DIP2A: variants seen among roughly 807,000 people sequenced by gnomAD.
The protein encoded by DIP2A is disco-interacting protein 2 homolog A.
A neutral mutation model predicts 177.4 loss-of-function variants in DIP2A; 85 were observed. The observed-to-expected ratio is 0.48, with a 90% CI of 0.40 to 0.57. The LOEUF is 0.57. Ranked by LOEUF, DIP2A falls within the 20% of genes least tolerant of loss-of-function variation. The pLI, the probability that DIP2A is intolerant of heterozygous loss-of-function variation, is 0.00. For missense variants in DIP2A, 1,791 were observed against 2,100.2 expected, an observed-to-expected ratio of 0.85 and a Z score of 2.88; for synonymous variants, 886 against 881.8, an observed-to-expected ratio of 1.00 and a Z score of -0.08.
intron 8 of DIP2A, among the ~76,000 whole-genome samples, chr21:46,528,484 G>A (rs962653546): frequency 1.4e-4 from 16 of 113,624 alleles, no homozygotes; most frequent in Non-Finnish European, 4.9e-5. Context: ...GCACACATAT[G>A]TACATATACA....
chr21:46,503,225 A>G (rs117155401), intron 5 of DIP2A, among the ~76,000 whole-genome samples: 6,270 of 151,612 alleles, frequency 0.041, 194 homozygotes, highest in Non-Finnish European at 0.063. Context: ...TGGGGGACTG[A>G]GACAGGAGAA....
intron 5 of DIP2A, among the ~76,000 whole-genome samples, chr21:46,500,587 T>C (rs1369299499): frequency 1.3e-5 from 2 of 152,244 alleles, no homozygotes; most frequent in Non-Finnish European, 2.9e-5. Context: ...GGTGAGATGG[T>C]GCAGGAGAGC....
intron 3 of DIP2A, among the ~76,000 whole-genome samples, chr21:46,491,021 A>C (rs1184676352): frequency 6.6e-6 from 1 of 152,130 alleles, no homozygotes; most frequent in Non-Finnish European, 1.5e-5. Context: ...ACTTTTGTAC[A>C]CTTTTTACTT....
chr21:46,533,420 A>G (rs1488669061), intron 10 of DIP2A, 104 bp from the exon 11 acceptor site: 3 of 1,369,742 alleles, frequency 2.2e-6, no homozygotes, highest in South Asian at 1.6e-5. Context: ...TTTATGAGGG[A>G]TGAAAAAAAG....
intron 1 of DIP2A, among the ~76,000 whole-genome samples, chr21:46,475,894 A>G (rs527496261): frequency 1.3e-5 from 2 of 152,298 alleles, no homozygotes; most frequent in South Asian, 2.1e-4. Context: ...AATCATCTTT[A>G]TAAATCCTTC....
downstream of DIP2A, among the ~76,000 whole-genome samples, chr21:46,574,092 G>A (rs145039816): frequency 5.8e-4 from 88 of 152,224 alleles, 1 homozygote; most frequent in African/African-American, 2.0e-3. Context: ...TTCCAGGATA[G>A]ACAACATGTT....
chr21:46,481,812 A>T (rs1372665944), intron 1 of DIP2A, among the ~76,000 whole-genome samples: 3 of 152,198 alleles, frequency 2.0e-5, no homozygotes, highest in Non-Finnish European at 4.4e-5. Flanking sequence ...GCACTTTGGG[A>T]GGCTGAGACG....
intron 6 of DIP2A, among the ~76,000 whole-genome samples, chr21:46,505,424 T>C (rs1175587237): frequency 6.6e-6 from 1 of 151,946 alleles, no homozygotes; most frequent in Non-Finnish European, 1.5e-5. Flanking sequence ...CTGGCTAACG[T>C]GGTGAAACCC....
At chr21:46,530,047 AG>A (rs1448205462) in intron 9 of DIP2A, among the ~76,000 whole-genome samples, 1 of 152,218 alleles carries the variant, frequency 6.6e-6, no homozygotes, top group Non-Finnish European at 1.5e-5. Context: ...GAGTGTGGCT[AG>A]TAGCTACTGT....
Position 46,567,727 on chromosome 21 carries a change from G to C in DIP2A, c.*105G>C. 5 of 1,399,042 alleles carry C rather than the reference G, an allele frequency of 3.6e-6. No individual in the cohort carries two copies. Among genetic ancestry groups the C allele is most frequent in the Non-Finnish European group, 4.8e-6 (5 of 1,046,326 alleles). 86.7% of individuals were successfully genotyped at this position (1,399,042 alleles called of 1,614,324 possible). On this transcript the variant is annotated 3_prime_UTR_variant, in exon 38 of 38. Coordinates refer to ENST00000417564, the MANE Select transcript of DIP2A (RefSeq NM_015151.4). ...TCACTCACCGGGACTCGCCCTTCCT[G>C]TGCTCTTACAGATCCCTCTCAACAA...
chr21:46,495,240 T>TCTCTG (rs60545868), intron 3 of DIP2A, among the ~76,000 whole-genome samples: 1 of 47,894 alleles, frequency 2.1e-5, no homozygotes, highest in African/African-American at 1.3e-4. Flanking sequence ...TTCTCTTCTC[T>TCTCTG]TCTTTCTCTC....
In DIP2A at chr21:46,545,143, T is replaced by C. The variant is rs2059978560; in HGVS notation, c.2183T>C (p.Val728Ala). The change falls in exon 19 of 38, where the codon GTA becomes GCA. Residue 728 changes from valine (V) to alanine (A), a missense_variant. Coordinates refer to ENST00000417564, the MANE Select transcript of DIP2A (RefSeq NM_015151.4). ...DVGQVMPGAN[V>A]CVVKLEGTPY... is the part of the protein sequence containing the mutation. ...GTTTTTTTTCTCATTTTAGCTAATG[T>C]ATGTGTTGTGAAGTTAGAAGGTACC... 1 of 1,590,204 alleles carries C rather than the reference T, an allele frequency of 6.3e-7. No homozygotes were observed. Among genetic ancestry groups the C allele is most frequent in the Admixed American group, 1.7e-5 (1 of 57,832 alleles).
Position 46,498,666 on chromosome 21 carries a change from T to A in DIP2A, c.488T>A (p.Val163Asp), listed in dbSNP as rs1270379226. The A allele has an allele frequency of 1.2e-6, 2 of 1,613,600 alleles. No homozygotes were observed. The highest frequency in any genetic ancestry group is 1.7e-6 in the Non-Finnish European group (2 of 1,179,856). ...TSTPLQSHSS[V>D]EPWLDRVIQG... Reference sequence around the variant, plus strand: ...ACTCCGCTCCAGAGCCATTCCAGCGTCGAGCCCTGGCTCGACCGGGTCATT... The same window carrying A: ...ACTCCGCTCCAGAGCCATTCCAGCGACGAGCCCTGGCTCGACCGGGTCATT... Residue 163 changes from valine to aspartate, a missense_variant, in exon 5 of 38, where the codon GTC becomes GAC. Transcript: ENST00000417564. The surrounding 1 kb of genome is among the most constrained non-coding windows in gnomAD (Gnocchi z 4.3).
chr21:46,543,490 C>T (rs2059904987), intron 18 of DIP2A, among the ~76,000 whole-genome samples: 2 of 151,788 alleles, frequency 1.3e-5, no homozygotes, highest in Admixed American at 1.3e-4. Context: ...ACCCCCCTCC[C>T]CCAGGTGTGT....
intron 8 of DIP2A, among the ~76,000 whole-genome samples, chr21:46,526,624 A>T (rs1229336206): frequency 6.6e-6 from 1 of 152,114 alleles, no homozygotes; most frequent in East Asian, 1.9e-4. Context: ...TGAACGCCTC[A>T]GCTCAGGCAA....
chr21:46,476,837 A>G (rs900181285), intron 1 of DIP2A, among the ~76,000 whole-genome samples: 1 of 151,866 alleles, frequency 6.6e-6, no homozygotes, highest in Admixed American at 6.6e-5. Flanking sequence ...TGTATTTTTT[A>G]TTAGAGATGG....
chr21:46,554,014 C>T, intron 25 of DIP2A, 155 bp from the exon 26 acceptor site: 1 of 1,036,572 alleles, frequency 9.6e-7, no homozygotes, highest in South Asian at 1.8e-5. Context: ...AAAAAAGACA[C>T]CAGCCGTACG....
At chr21:46,511,380 T>C in intron 7 of DIP2A, 37 bp from the exon 8 acceptor site, 1 of 1,560,720 alleles carries the variant, frequency 6.4e-7, no homozygotes, top group Non-Finnish European at 8.7e-7. Flanking sequence ...CGTGGTGCTC[T>C]GAATTGCTGA....
At chr21:46,470,725 T>C (rs1180703536) in intron 1 of DIP2A, among the ~76,000 whole-genome samples, 1 of 150,064 alleles carries the variant, frequency 6.7e-6, no homozygotes, top group Non-Finnish European at 1.5e-5. Flanking sequence ...GATCACACCA[T>C]TGCACTCCAG....
Sources: allele counts gnomAD v4.1 joint callset (sites outside exome capture counted in the v4.1 genomes callset), GRCh38; gene constraint gnomAD v4.1.1; non-coding constraint Gnocchi (gnomAD v3.1); transcripts MANE v1.5; gene names NCBI Gene and HGNC (gene_info 2026-07-23, HGNC 2026-07-21).